FGD3: variants seen among roughly 807,000 people sequenced by gnomAD.
FGD3 encodes the protein FYVE, RhoGEF and PH domain containing 3, also known as FYVE, RhoGEF and PH domain-containing protein 3.
In FGD3, 45 loss-of-function variants were observed where a neutral mutation model predicts 71.8. The observed-to-expected ratio is 0.63, with a 90% CI of 0.49 to 0.80. The LOEUF is 0.80. Ranked by LOEUF, FGD3 falls within the 30% of genes least tolerant of loss-of-function variation. The pLI is 0.00. For synonymous variants in FGD3, 378 were observed against 392.8 expected, an observed-to-expected ratio of 0.96 and a Z score of 0.44; for missense variants, 844 against 951.5, an observed-to-expected ratio of 0.89 and a Z score of 1.49.
At chr9:93,027,715 C>CTTTT (rs1199094054) in intron 14 of FGD3, among the ~76,000 whole-genome samples, 357 of 101,954 alleles carry the variant, frequency 3.5e-3, no homozygotes, top group East Asian at 5.8e-3. Context: ...TTCTTTCTTT[C>CTTTT]TTTTTTTTTT....
At chr9:93,029,292 C>T (rs528604816) in intron 14 of FGD3, among the ~76,000 whole-genome samples, 132 of 152,248 alleles carry the variant, frequency 8.7e-4, no homozygotes, top group African/African-American at 2.6e-3. Flanking sequence ...CTGCCCACCT[C>T]AGCCTCCCAA....
At chr9:93,020,045 C>A (rs1861852322) in intron 12 of FGD3, among the ~76,000 whole-genome samples, 184 bp downstream of exon 12, 1 of 152,236 alleles carries the variant, frequency 6.6e-6, no homozygotes, top group African/African-American at 2.4e-5. Context: ...AGCCCTTCAA[C>A]CCATTCATTT....
chr9:93,035,396 C>A lies in FGD3; in HGVS notation c.1985C>A (p.Pro662His), dbSNP rs767289354. The change falls in exon 18 of 18, where the codon CCT becomes CAT. Residue 662 changes from proline (P) to histidine (H), a missense_variant. Coordinates refer to ENST00000375482, the MANE Select transcript of FGD3 (RefSeq NM_001083536.2). ...AGCTGCAAACTGAGTGTGCCGGACCCTGAGGAGAGGCTGGACTCGGGGCAT... is the reference window on the plus strand; with the variant it reads ...AGCTGCAAACTGAGTGTGCCGGACCATGAGGAGAGGCTGGACTCGGGGCAT... ...LPSCKLSVPD[P>H]EERLDSGHVW... 9 of 1,611,664 alleles carry A rather than the reference C, an allele frequency of 5.6e-6. No individual in the cohort carries two copies. The highest frequency in any genetic ancestry group is 7.6e-6 in the Non-Finnish European group (9 of 1,179,194).
intron 1 of FGD3, among the ~76,000 whole-genome samples, chr9:92,973,263 C>T (rs1859604177): frequency 6.6e-6 from 1 of 151,940 alleles, no homozygotes; most frequent in Non-Finnish European, 1.5e-5. Flanking sequence ...TACAGGCACG[C>T]ACCACCATGC....
At position 92,995,099 on chromosome 9, in the gene FGD3, T is replaced by C. The variant is rs149284402; in HGVS notation, c.454-7826T>C. 6.4e-3 allele frequency among the ~76,000 whole-genome samples: 972 copies of C among 152,336 alleles called. 8 individuals are homozygous for C. Among genetic ancestry groups the C allele is most frequent in the African/African-American group, 0.022 (913 of 41,574 alleles). ...ATTTTCACAATATTGATTCTTCCTA[T>C]CCATGAACATGGAATGTTCTTCCAT... On this transcript the variant is annotated intron_variant, in intron 3 of 17. Coordinates refer to ENST00000375482, the MANE Select transcript of FGD3 (RefSeq NM_001083536.2).
intron 14 of FGD3, among the ~76,000 whole-genome samples, chr9:93,026,433 C>T (rs1442568694): frequency 6.6e-6 from 1 of 152,218 alleles, no homozygotes; most frequent in Non-Finnish European, 1.5e-5. Flanking sequence ...CCTCTTGCCT[C>T]TCAGCTACTG....
chr9:93,022,522 T>G (rs1861961210), intron 14 of FGD3, 133 bp downstream of exon 14: 1 of 844,620 alleles, frequency 1.2e-6, no homozygotes, highest in South Asian at 1.7e-5. Context: ...GAGGGGCCAG[T>G]CTGCCCTGCT....
chr9:92,976,509 G>A lies in FGD3; in HGVS notation c.253G>A (p.Val85Met), dbSNP rs771762012. The part of the protein sequence containing the change: ...DSGIDSPSSS[V>M]AGENFPCEEG... ...CGGGATCGACAGTCCCTCCTCCAGTGTGGCTGGAGAGAACTTTCCCTGCGA... is the reference window on the plus strand; with the variant it reads ...CGGGATCGACAGTCCCTCCTCCAGTATGGCTGGAGAGAACTTTCCCTGCGA... The change falls in exon 3 of 18, where the codon GTG (valine) becomes ATG (methionine). Residue 85 changes from valine to methionine, a missense_variant. By Grantham distance (21) the Val-to-Met change is conservative. Transcript: ENST00000375482. 13 of 1,612,358 alleles carry A rather than the reference G, an allele frequency of 8.1e-6. No individual in the cohort carries two copies. The highest frequency in any genetic ancestry group is 1.1e-5 in the Non-Finnish European group (13 of 1,179,770).
At chr9:92,954,538 C>T (rs982301231) in intron 1 of FGD3, among the ~76,000 whole-genome samples, 4 of 152,150 alleles carry the variant, frequency 2.6e-5, no homozygotes, top group Non-Finnish European at 4.4e-5. Flanking sequence ...AGCAGAAGGG[C>T]AGGGGCCGGG....
intron 14 of FGD3, among the ~76,000 whole-genome samples, chr9:93,028,994 A>C (rs1231462783): frequency 1.4e-5 from 1 of 73,074 alleles, no homozygotes. Context: ...ATGTCCTCAC[A>C]GTTTTTTTTT....
Position 93,035,838 on chromosome 9 carries a change from C to T in FGD3, c.*249C>T, listed in dbSNP as rs1862580251. 2 of 502,724 alleles carry T rather than the reference C, an allele frequency of 4.0e-6. No homozygotes were observed. Among genetic ancestry groups the T allele is most frequent in the Admixed American group, 7.7e-5 (2 of 26,088 alleles). 31.1% of individuals were successfully genotyped at this position (502,724 alleles called of 1,614,324 possible). ...CCAGCAGTGTGGCCCAGAGCAGGGG[C>T]CGACTGCCAAAGTAACCATCATCCA... On this transcript the variant is annotated 3_prime_UTR_variant, in exon 18 of 18. Transcript: ENST00000375482.
chr9:92,969,485 C>T lies in FGD3; in HGVS notation c.-217-5753C>T, dbSNP rs1031341890. Among the ~76,000 whole-genome samples, 2 of 152,206 alleles carry T rather than the reference C, an allele frequency of 1.3e-5. No individual in the cohort carries two copies. Among genetic ancestry groups the T allele is most frequent in the South Asian group, 2.1e-4 (1 of 4,832 alleles). On this transcript the variant is annotated intron_variant, in intron 1 of 17. Transcript: ENST00000375482. This position sits in a 1 kb window ranked among gnomAD's most constrained non-coding sequence, Gnocchi z 4.5. ...GATTGAAGTGGCATCAAAGAATATA[C>T]GGGCAGTTTAAAAACCACCACTAAC...
At chr9:92,981,382 AAAG>A (rs1019520494) in intron 3 of FGD3, among the ~76,000 whole-genome samples, 1 of 151,200 alleles carries the variant, frequency 6.6e-6, no homozygotes, top group African/African-American at 2.4e-5. Flanking sequence ...AAAAAAAAAA[AAAG>A]AAAAAAAAGA....
chr9:92,978,213 C>T (rs1039315189), intron 3 of FGD3, among the ~76,000 whole-genome samples: 7 of 145,696 alleles, frequency 4.8e-5, no homozygotes, highest in Admixed American at 1.4e-4. Context: ...ACCCAGGAGG[C>T]GGAGGTTGCG....
intron 3 of FGD3, among the ~76,000 whole-genome samples, chr9:92,980,221 G>A (rs746615894): frequency 8.6e-5 from 13 of 151,998 alleles, no homozygotes; most frequent in Non-Finnish European, 1.6e-4. Flanking sequence ...AAGTTTCACC[G>A]TTTTGGCCAG....
intron 10 of FGD3, among the ~76,000 whole-genome samples, chr9:93,016,576 T>C (rs1861703770): frequency 6.6e-6 from 1 of 151,836 alleles, no homozygotes; most frequent in South Asian, 2.1e-4. Context: ...GACTTCGTGA[T>C]CCACCCGCCT....
At chr9:93,026,291 C>T (rs1346751135) in intron 14 of FGD3, among the ~76,000 whole-genome samples, 1 of 152,134 alleles carries the variant, frequency 6.6e-6, no homozygotes. Context: ...GAGACTTGGG[C>T]CCAGCTTTTC....
intron 1 of FGD3, among the ~76,000 whole-genome samples, chr9:92,965,671 C>G (rs751750949): frequency 7.9e-5 from 12 of 152,228 alleles, no homozygotes; most frequent in Non-Finnish European, 1.2e-4. Flanking sequence ...GCTGAAATGA[C>G]CTTTTCCTGA....
chr9:92,971,998 C>T (rs1859555810), intron 1 of FGD3, among the ~76,000 whole-genome samples: 1 of 143,554 alleles, frequency 7.0e-6, no homozygotes. Context: ...CCATTCCTTC[C>T]AGGCACCCAG....
Sources: allele counts gnomAD v4.1 joint callset (sites outside exome capture counted in the v4.1 genomes callset), GRCh38; gene constraint gnomAD v4.1.1; non-coding constraint Gnocchi (gnomAD v3.1); transcripts MANE v1.5; gene names NCBI Gene and HGNC (gene_info 2026-07-23, HGNC 2026-07-21).